Variants in MCC observed in about 807,000 individuals in gnomAD.
MCC encodes colorectal mutant cancer protein.
A neutral mutation model predicts 116.2 loss-of-function variants in MCC; 90 were observed. The observed-to-expected ratio is 0.77, with a 90% confidence interval of 0.65 to 0.92. The LOEUF (loss-of-function observed/expected upper bound fraction) is 0.92. Ranked by LOEUF, MCC falls within the 40% of genes least tolerant of loss-of-function variation. The pLI is 0.00. For missense variants in MCC, 1,516 were observed against 1,312.2 expected, an observed-to-expected ratio of 1.16 and a Z score of -2.40; for synonymous variants, 578 against 510.5, an observed-to-expected ratio of 1.13 and a Z score of -1.78.
intron 14 of MCC, among the ~76,000 whole-genome samples, chr5:113,054,499 C>A (rs941234877): frequency 6.6e-6 from 1 of 152,242 alleles, no homozygotes; most frequent in Non-Finnish European, 1.5e-5. Context: ...TCCACAGATG[C>A]GTGTCACACC....
At chr5:113,082,727 C>T (rs1222101614) in intron 11 of MCC, 133 bp downstream of exon 11, 5 of 1,085,396 alleles carry the variant, frequency 4.6e-6, no homozygotes, top group Admixed American at 2.4e-5. Flanking sequence ...GTAGGAACTT[C>T]CATCCCCACC....
chr5:113,142,109 A>G (rs893660544), intron 5 of MCC, among the ~76,000 whole-genome samples: 2 of 152,142 alleles, frequency 1.3e-5, no homozygotes, highest in African/African-American at 2.4e-5. Flanking sequence ...CTTTTCCACA[A>G]TTTTGCCCAG....
intron 1 of MCC, among the ~76,000 whole-genome samples, chr5:113,410,348 AAT>A (rs1313306105): frequency 1.3e-5 from 2 of 152,230 alleles, no homozygotes; most frequent in African/African-American, 2.4e-5. Flanking sequence ...GATATAACAT[AAT>A]ATGATTTTAA....
chr5:113,146,868 C>T (rs1330177659), intron 4 of MCC, among the ~76,000 whole-genome samples: 1 of 152,166 alleles, frequency 6.6e-6, no homozygotes, highest in African/African-American at 2.4e-5. Flanking sequence ...CTCCTCCCAG[C>T]CCATATTCAA....
chr5:113,268,753 C>T (rs1456350183), intron 3 of MCC, among the ~76,000 whole-genome samples: 1 of 152,080 alleles, frequency 6.6e-6, no homozygotes, highest in Non-Finnish European at 1.5e-5. Context: ...TTAAAATCAT[C>T]CCTTAGTAAA....
At chr5:113,199,453 A>G (rs1762580211) in intron 3 of MCC, among the ~76,000 whole-genome samples, 1 of 152,160 alleles carries the variant, frequency 6.6e-6, no homozygotes, top group African/African-American at 2.4e-5. Context: ...TTGAATAGAC[A>G]AGATGTGCTA....
Position 113,354,623 on chromosome 5 carries a change from C to T in MCC, c.416-13893G>A, listed in dbSNP as rs569050894. Among the ~76,000 whole-genome samples the T allele has an allele frequency of 1.6e-3, 242 of 151,626 alleles. 1 individual carries two copies. The highest frequency in any genetic ancestry group is 5.2e-3 in the African/African-American group (215 of 41,390). On this transcript the variant is annotated intron_variant, in intron 2 of 18. Coordinates refer to ENST00000408903, the MANE Select transcript of MCC (RefSeq NM_001085377.2). ...CTAATTTTTGTATTTTTAGGAGAGACGGGGTTTCACCATGTTGACCAGGCT... is the reference window on the plus strand; with the variant it reads ...CTAATTTTTGTATTTTTAGGAGAGATGGGGTTTCACCATGTTGACCAGGCT...
Position 113,028,994 on chromosome 5 carries a change from C to T in MCC, c.2819G>A (p.Ser940Asn), listed in dbSNP as rs774275035. 6.2e-7 allele frequency: 1 copy of T among 1,613,868 alleles called. No homozygotes were observed. Among genetic ancestry groups the T allele is most frequent in the Non-Finnish European group, 8.5e-7 (1 of 1,179,934 alleles). ...LVSALERLTKSSEIRHQQSAE... is the reference protein window; with the variant it reads ...LVSALERLTKNSEIRHQQSAE... Reference sequence around the variant, plus strand: ...AGATTGCTGATGTCGGATTTCACTGCTCTTGGTGAGTCTCTCCAAGGCACT... The same window carrying T: ...AGATTGCTGATGTCGGATTTCACTGTTCTTGGTGAGTCTCTCCAAGGCACT... The change falls in exon 18 of 19, where the codon AGC (serine) becomes AAC (asparagine). Residue 940 changes from serine (S) to asparagine (N), a missense_variant. Ser to Asn is a conservative substitution (Grantham distance 46). Transcript: ENST00000408903.
intron 3 of MCC, among the ~76,000 whole-genome samples, chr5:113,255,298 C>T (rs533214852): frequency 2.6e-5 from 4 of 152,298 alleles, no homozygotes; most frequent in East Asian, 3.9e-4. Flanking sequence ...CCAAGTCTTG[C>T]TAAGAAGAAA....
At chr5:113,138,379 A>G (rs1044254991) in intron 5 of MCC, among the ~76,000 whole-genome samples, 19 of 152,006 alleles carry the variant, frequency 1.2e-4, no homozygotes, top group African/African-American at 4.3e-4. Context: ...GGCCTTTGGG[A>G]GGTAATTAGG....
intron 1 of MCC, among the ~76,000 whole-genome samples, chr5:113,409,562 G>C (rs1580341975): frequency 1.3e-5 from 2 of 152,070 alleles, no homozygotes; most frequent in South Asian, 4.1e-4. Flanking sequence ...ATGTAGCCCA[G>C]GCTGCTCTTG....
At chr5:113,146,578 G>A (rs1759535389) in intron 4 of MCC, among the ~76,000 whole-genome samples, 1 of 152,022 alleles carries the variant, frequency 6.6e-6, no homozygotes, top group South Asian at 2.1e-4. Flanking sequence ...CAGAAAAAGA[G>A]ACACAAGGGG....
intron 3 of MCC, among the ~76,000 whole-genome samples, chr5:113,191,647 G>C (rs1281014322): frequency 1.3e-5 from 2 of 152,230 alleles, no homozygotes; most frequent in Admixed American, 6.5e-5. Context: ...TCAGAGAACA[G>C]AAGGAAGCCA....
At chr5:113,165,298 A>C (rs1332271842) in intron 3 of MCC, among the ~76,000 whole-genome samples, 1 of 152,208 alleles carries the variant, frequency 6.6e-6, no homozygotes, top group African/African-American at 2.4e-5. Flanking sequence ...ACAACATACT[A>C]GTAATTCGGA....
chr5:113,128,812 C>G (rs988331139), intron 5 of MCC, among the ~76,000 whole-genome samples: 2 of 152,236 alleles, frequency 1.3e-5, no homozygotes, highest in Non-Finnish European at 2.9e-5. Context: ...GTAAATTAAT[C>G]AGAACAACAT....
intron 3 of MCC, among the ~76,000 whole-genome samples, chr5:113,327,075 G>C (rs1181863947): frequency 6.6e-6 from 1 of 152,148 alleles, no homozygotes; most frequent in Non-Finnish European, 1.5e-5. Context: ...AAAGAAGGAA[G>C]CAGACAAGAG....
intron 1 of MCC, among the ~76,000 whole-genome samples, chr5:113,422,897 G>T (rs1770379244): frequency 6.6e-6 from 1 of 152,106 alleles, no homozygotes; most frequent in Admixed American, 6.5e-5. Flanking sequence ...ATCCTAAAAG[G>T]ATAAAAGAAT....
chr5:113,205,832 C>T (rs973395702), intron 3 of MCC, among the ~76,000 whole-genome samples: 2 of 152,338 alleles, frequency 1.3e-5, no homozygotes, highest in East Asian at 3.9e-4. Flanking sequence ...TGACTGAAGC[C>T]AGAGCTGATG....
chr5:113,402,621 A>C (rs1769723707), intron 1 of MCC, among the ~76,000 whole-genome samples: 1 of 152,220 alleles, frequency 6.6e-6, no homozygotes, highest in Non-Finnish European at 1.5e-5. Context: ...TTAAGGGTTA[A>C]AAAATGCAAA....
Sources: gnomAD v4.1 joint callset for allele counts (sites outside exome capture counted in the v4.1 genomes callset) on GRCh38, gnomAD v4.1.1 for gene constraint, MANE v1.5 for transcripts, NCBI Gene and HGNC (gene_info 2026-07-23, HGNC 2026-07-21) for gene names.